Variants in PCID2 observed in about 807,000 individuals in gnomAD.
PCID2 encodes the protein PCI domain-containing protein 2.
A neutral mutation model predicts 61.3 loss-of-function variants in PCID2; 41 were observed. The observed-to-expected ratio is 0.67, with a 90% CI of 0.52 to 0.87. The LOEUF (loss-of-function observed/expected upper bound fraction) is 0.87. PCID2 is among the 40% of genes least tolerant of loss of function. The pLI is 0.00. For synonymous variants in PCID2, 187 were observed against 177.8 expected, an observed-to-expected ratio of 1.05 and a Z score of -0.41; for missense variants, 392 against 493.4, an observed-to-expected ratio of 0.79 and a Z score of 1.95.
chr13:113,200,385 T>C (rs1259049109), intron 2 of PCID2, 42 bp downstream of exon 2: 3 of 1,159,054 alleles, frequency 2.6e-6, no homozygotes, highest in Middle Eastern at 1.9e-4. Context: ...GGTTACCCTG[T>C]AATTGTCTGC....
intron 8 of PCID2, among the ~76,000 whole-genome samples, chr13:113,184,753 G>A (rs2037948262): frequency 1.3e-5 from 2 of 152,328 alleles, no homozygotes; most frequent in South Asian, 4.1e-4. Context: ...GCGCAGCCCT[G>A]CAGTGGGAAG....
intron 1 of PCID2, 53 bp downstream of exon 1, chr13:113,208,546 G>C (rs1456736690): frequency 6.3e-7 from 1 of 1,591,778 alleles, no homozygotes; most frequent in Non-Finnish European, 8.5e-7. Context: ...GGGGACACAC[G>C]GAACACGCCG....
At position 113,179,464 on chromosome 13, in the gene PCID2, C is replaced by G. The variant is rs1446357816; in HGVS notation, c.987-375G>C. Reference sequence around the variant, plus strand: ...AGCTCTATACAAAGTTGGCCTTTGCCTGAAGTTTACACAACTGAGATCCTG... The same window carrying G: ...AGCTCTATACAAAGTTGGCCTTTGCGTGAAGTTTACACAACTGAGATCCTG... On this transcript the variant is annotated intron_variant, in intron 12 of 13. Transcript: ENST00000337344. The surrounding 1 kb of genome is among the most constrained non-coding windows in gnomAD (Gnocchi z 4.3). 6.6e-6 allele frequency among the ~76,000 whole-genome samples: 1 copy of G among 152,102 alleles called. No individual in the cohort carries two copies. Among genetic ancestry groups the G allele is most frequent in the Non-Finnish European group, 1.5e-5 (1 of 68,026 alleles).
Position 113,179,533 on chromosome 13 carries a change from T to C in PCID2, c.986+384A>G. Among the ~76,000 whole-genome samples the C allele has an allele frequency of 6.6e-6, 1 of 152,134 alleles. No individual in the cohort carries two copies. Among genetic ancestry groups the C allele is most frequent in the East Asian group, 1.9e-4 (1 of 5,186 alleles). ...AGACGTGTGAGGAAAGGAATGACGATCTCTGCATCTGCCTTTGTGACAGGC... is the reference window on the plus strand; with the variant it reads ...AGACGTGTGAGGAAAGGAATGACGACCTCTGCATCTGCCTTTGTGACAGGC... On this transcript the variant is annotated intron_variant, in intron 12 of 13. Transcript: ENST00000337344. The surrounding 1 kb of genome is among the most constrained non-coding windows in gnomAD (Gnocchi z 4.3).
At chr13:113,183,239 T>TAA (rs2037807897) in intron 9 of PCID2, among the ~76,000 whole-genome samples, 1 of 152,196 alleles carries the variant, frequency 6.6e-6, no homozygotes, top group East Asian at 1.9e-4. Flanking sequence ...GATACAGACT[T>TAA]AAACAAACTT....
intron 1 of PCID2, among the ~76,000 whole-genome samples, chr13:113,202,476 C>A (rs1261223985): frequency 6.6e-6 from 1 of 152,192 alleles, no homozygotes; most frequent in African/African-American, 2.4e-5. Context: ...AACTAAATAT[C>A]CATCCATAGA....
rs758514831 is a variant in PCID2 at position 113,180,242 on chromosome 13, A to C, written c.787-11T>G. ...AGTGGGCATGTGACCCTAAGAGTCA[A>C]TTTTCCAGAATGAAAATGCTTTCAT... On this transcript the variant is annotated splice_polypyrimidine_tract_variant and intron_variant, in intron 10 of 13. Coordinates refer to ENST00000337344, the MANE Select transcript of PCID2 (RefSeq NM_001127202.4). 1 of 1,593,750 alleles carries C rather than the reference A, an allele frequency of 6.3e-7. No homozygotes were observed. The highest frequency in any genetic ancestry group is 2.2e-5 in the East Asian group (1 of 44,792).
At chr13:113,190,679 C>CT (rs1285181581) in intron 7 of PCID2, 193 bp downstream of exon 7, 5 of 430,578 alleles carry the variant, frequency 1.2e-5, no homozygotes, top group Non-Finnish European at 2.0e-5. Flanking sequence ...AATGAAGACT[C>CT]TTTTTTCCCT....
intron 1 of PCID2, chr13:113,208,227 T>A: frequency 6.6e-7 from 1 of 1,507,880 alleles, no homozygotes; most frequent in Non-Finnish European, 8.9e-7. Context: ...ACAGCGTCCA[T>A]CCGACACAGC....
chr13:113,200,129 G>A (rs1204558020), intron 2 of PCID2, among the ~76,000 whole-genome samples: 8 of 152,094 alleles, frequency 5.3e-5, no homozygotes, highest in African/African-American at 1.2e-4. Flanking sequence ...CTTTGGGGAC[G>A]CACAGGCCTA....
rs558555102 is a variant in PCID2, at chr13:113,179,530, C to G, written c.986+387G>C. 6.6e-6 allele frequency among the ~76,000 whole-genome samples: 1 copy of G among 152,234 alleles called. No homozygotes were observed. The highest frequency in any genetic ancestry group is 1.9e-4 in the East Asian group (1 of 5,180). ...AGAAGACGTGTGAGGAAAGGAATGACGATCTCTGCATCTGCCTTTGTGACA... is the reference window on the plus strand; with the variant it reads ...AGAAGACGTGTGAGGAAAGGAATGAGGATCTCTGCATCTGCCTTTGTGACA... On this transcript the variant is annotated intron_variant, in intron 12 of 13. Transcript: ENST00000337344. The surrounding 1 kb of genome is among the most constrained non-coding windows in gnomAD (Gnocchi z 4.3).
rs1434118410 is a variant in PCID2 at position 113,197,085 on chromosome 13, G to A, written c.266+93C>T. 5.0e-6 allele frequency: 8 copies of A among 1,614,082 alleles called. No individual in the cohort carries two copies. The East Asian group carries it at 1.3e-4, about 27-fold the overall frequency. ...GTCATTCCTTTCTAACTGCAGAAAT[G>A]AGCAACTGGCCCAGTGTTTCCGGGT... On this transcript the variant is annotated intron_variant, in intron 4 of 13. Transcript: ENST00000337344.
chr13:113,196,956 T>C, intron 4 of PCID2: 1 of 1,175,492 alleles, frequency 8.5e-7, no homozygotes, highest in Non-Finnish European at 1.3e-6. Context: ...TCCTTCTTCC[T>C]AACCAGTGTT....
At chr13:113,194,459 C>T (rs1020792734) in intron 6 of PCID2, among the ~76,000 whole-genome samples, 1 of 152,168 alleles carries the variant, frequency 6.6e-6, no homozygotes, top group Non-Finnish European at 1.5e-5. Context: ...CATAGCCATG[C>T]CGGCCTGACA....
chr13:113,195,410 TC>T (rs1481692298), intron 5 of PCID2, among the ~76,000 whole-genome samples: 1 of 152,126 alleles, frequency 6.6e-6, no homozygotes, highest in African/African-American at 2.4e-5. Flanking sequence ...GATATCCTCC[TC>T]CCCTCAGCTT....
chr13:113,170,550 T>G, the PCID2 span: 1 of 1,429,620 alleles, frequency 7.0e-7, no homozygotes, highest in South Asian at 1.1e-5. Flanking sequence ...TTATCATGAG[T>G]TTTTATAAAA....
At chr13:113,182,560 C>A (rs565654401) in intron 9 of PCID2, among the ~76,000 whole-genome samples, 3 of 152,154 alleles carry the variant, frequency 2.0e-5, no homozygotes, top group African/African-American at 7.2e-5. Flanking sequence ...AGTGCAGTGG[C>A]GCGATCTCAG....
chr13:113,165,955 G>C, the PCID2 span: 2 of 152,304 alleles, frequency 1.3e-5, no homozygotes, highest in African/African-American at 4.8e-5. Flanking sequence ...GGGTCCATTT[G>C]CTGTCTGGCC....
the PCID2 span, chr13:113,165,005 G>T: frequency 6.4e-7 from 1 of 1,567,294 alleles, no homozygotes. Flanking sequence ...TCCGATATTC[G>T]CTGAGAAGGC....
Sources: allele counts gnomAD v4.1 joint callset (sites outside exome capture counted in the v4.1 genomes callset), GRCh38; gene constraint gnomAD v4.1.1; non-coding constraint Gnocchi (gnomAD v3.1); transcripts MANE v1.5; gene names NCBI Gene and HGNC (gene_info 2026-07-23, HGNC 2026-07-21).